Variants in EPHA6 observed in about 807,000 individuals in gnomAD.
The protein encoded by EPHA6 is ephrin type-A receptor 6.
Under a neutral mutation model 112.0 loss-of-function variants are expected in EPHA6, and 50 were observed. That is an observed-to-expected ratio of 0.45 (90% CI 0.36 to 0.56). EPHA6 has a LOEUF of 0.56. Among genes scored for constraint, EPHA6 ranks in the 20% least tolerant of loss-of-function variants. The probability of loss-of-function intolerance (pLI) is 0.00; values close to 1 mark genes in which losing one functional copy is unlikely to be tolerated. For missense variants in EPHA6, 1,280 were observed against 1,417.4 expected, an observed-to-expected ratio of 0.90 and a Z score of 1.56; for synonymous variants, 529 against 490.7, an observed-to-expected ratio of 1.08 and a Z score of -1.03.
chr3:97,592,694 T>A lies in EPHA6; in HGVS notation c.2469T>A (p.His823Gln). 1 of 1,610,654 alleles carries A rather than the reference T, an allele frequency of 6.2e-7. No homozygotes were observed. The highest frequency in any genetic ancestry group is 1.1e-5 in the South Asian group (1 of 90,150). Reference sequence around the variant, plus strand: ...TTTTAAATAGCATCCAGGCCCCGCATCCAGTGCCAGGGGGAGGATCTTTGC... The same window carrying A: ...TTTTAAATAGCATCCAGGCCCCGCAACCAGTGCCAGGGGGAGGATCTTTGC... Reference protein sequence around the residue: ...AGFLNSIQAPHPVPGGGSLPP... With the variant: ...AGFLNSIQAPQPVPGGGSLPP... The change falls in exon 12 of 18, where the codon CAT becomes CAA. Residue 823 changes from histidine (H) to glutamine (Q), a missense_variant. Transcript: ENST00000389672.
chr3:97,492,676 A>G (rs1453502444), intron 10 of EPHA6, among the ~76,000 whole-genome samples: 1 of 150,146 alleles, frequency 6.7e-6, no homozygotes, highest in Non-Finnish European at 1.5e-5. Context: ...GAAAGAAAGG[A>G]CAAGATAGAT....
intron 5 of EPHA6, among the ~76,000 whole-genome samples, chr3:97,254,388 C>T (rs2079240507): frequency 6.6e-6 from 1 of 152,136 alleles, no homozygotes. Context: ...CGGGGTTTCA[C>T]CATGTTAGCC....
intron 1 of EPHA6, among the ~76,000 whole-genome samples, chr3:96,847,973 C>T (rs1240616343): frequency 6.6e-6 from 1 of 152,038 alleles, no homozygotes; most frequent in Non-Finnish European, 1.5e-5. Context: ...TTTTGTTGGA[C>T]ATAGCAAGTA....
chr3:97,115,635 GGGAGAGAAT>G (rs1167484888), intron 3 of EPHA6, among the ~76,000 whole-genome samples: 2 of 151,754 alleles, frequency 1.3e-5, no homozygotes, highest in African/African-American at 2.4e-5. Flanking sequence ...GAGCAAGAGA[GGGAGAGAAT>G]GGAGAGAATG....
chr3:97,333,597 C>T (rs951339987), intron 5 of EPHA6, among the ~76,000 whole-genome samples: 4 of 151,156 alleles, frequency 2.6e-5, no homozygotes, highest in Admixed American at 6.6e-5. Context: ...CCTCAGCCTC[C>T]GAGTAGCTGG....
At chr3:96,963,093 C>G (rs1045091065) in intron 2 of EPHA6, among the ~76,000 whole-genome samples, 2 of 142,840 alleles carry the variant, frequency 1.4e-5, no homozygotes, top group Non-Finnish European at 3.0e-5. Flanking sequence ...GCTCAGGATG[C>G]GGAGGTTGCA....
At chr3:97,694,737 T>G (rs1033852031) in intron 14 of EPHA6, among the ~76,000 whole-genome samples, 1 of 152,248 alleles carries the variant, frequency 6.6e-6, no homozygotes, top group Non-Finnish European at 1.5e-5. Context: ...CATTGTATAG[T>G]GTCAGAGTTG....
intron 3 of EPHA6, among the ~76,000 whole-genome samples, chr3:97,127,836 T>G (rs1042949916): frequency 3.9e-5 from 6 of 152,142 alleles, no homozygotes; most frequent in African/African-American, 1.2e-4. Flanking sequence ...TCTATGGTGA[T>G]CTGGATGAAA....
intron 5 of EPHA6, among the ~76,000 whole-genome samples, chr3:97,376,744 C>G (rs925590911): frequency 3.3e-5 from 5 of 152,096 alleles, no homozygotes; most frequent in African/African-American, 1.2e-4. Flanking sequence ...TTATACTCAA[C>G]AGAAAATTAG....
At chr3:97,256,575 C>T (rs367807686) in intron 5 of EPHA6, among the ~76,000 whole-genome samples, 2 of 151,928 alleles carry the variant, frequency 1.3e-5, no homozygotes, top group African/African-American at 4.8e-5. Context: ...GATGGTATTT[C>T]TATACTGTAT....
intron 3 of EPHA6, among the ~76,000 whole-genome samples, chr3:97,054,688 A>C (rs1422954310): frequency 1.3e-5 from 2 of 152,130 alleles, no homozygotes; most frequent in African/African-American, 4.8e-5. Flanking sequence ...TAAGAAAGAA[A>C]TATTTCTTAT....
chr3:97,035,043 T>C (rs545505992), intron 3 of EPHA6, among the ~76,000 whole-genome samples: 24 of 152,128 alleles, frequency 1.6e-4, no homozygotes, highest in Middle Eastern at 3.4e-3. Context: ...CTATTCCTTC[T>C]TTTTAACACC....
intron 2 of EPHA6, among the ~76,000 whole-genome samples, chr3:96,913,201 C>T (rs2039311579): frequency 8.2e-6 from 1 of 121,218 alleles, no homozygotes; most frequent in Admixed American, 1.1e-4. Flanking sequence ...CACACACACA[C>T]ACACACACAC....
chr3:97,748,735 C>A lies in EPHA6; in HGVS notation c.*34C>A. ...CAAGCACCTGTGTTTTGTGCCTCAG[C>A]ATTTCTAAAATGAACGATATCCTCT... On this transcript the variant is annotated 3_prime_UTR_variant, in exon 18 of 18. Coordinates refer to ENST00000389672, the MANE Select transcript of EPHA6 (RefSeq NM_001080448.3). The A allele has an allele frequency of 8.6e-7, 1 of 1,156,558 alleles. No individual in the cohort carries two copies. The highest frequency in any genetic ancestry group is 1.3e-6 in the Non-Finnish European group (1 of 768,558). 71.6% of individuals were successfully genotyped at this position (1,156,558 alleles called of 1,614,324 possible).
intron 3 of EPHA6, among the ~76,000 whole-genome samples, chr3:97,058,635 T>C (rs2045926535): frequency 6.6e-6 from 1 of 152,182 alleles, no homozygotes; most frequent in African/African-American, 2.4e-5. Flanking sequence ...GTTCTTTTAT[T>C]GTTACTTTCA....
intron 3 of EPHA6, among the ~76,000 whole-genome samples, chr3:97,217,990 G>T (rs1333670161): frequency 1.3e-5 from 2 of 152,044 alleles, no homozygotes; most frequent in Admixed American, 6.6e-5. Flanking sequence ...AAATATAAAG[G>T]CTGGGTGCAG....
intron 10 of EPHA6, among the ~76,000 whole-genome samples, chr3:97,496,779 A>T (rs1448226120): frequency 2.6e-5 from 4 of 152,028 alleles, no homozygotes. Context: ...GCTGAAAGTG[A>T]ATTACCATTA....
intron 6 of EPHA6, among the ~76,000 whole-genome samples, chr3:97,414,287 G>A (rs960693442): frequency 5.9e-5 from 9 of 151,948 alleles, no homozygotes; most frequent in Admixed American, 5.3e-4. Context: ...AAACACTGAG[G>A]CATTCCCCTG....
chr3:97,252,620 A>G (rs1367316910), intron 5 of EPHA6, among the ~76,000 whole-genome samples: 1 of 152,066 alleles, frequency 6.6e-6, no homozygotes, highest in Non-Finnish European at 1.5e-5. Context: ...CAGGGCAGGG[A>G]TAGGGATTGG....
Sources: allele counts gnomAD v4.1 joint callset (sites outside exome capture counted in the v4.1 genomes callset), GRCh38; gene constraint gnomAD v4.1.1; transcripts MANE v1.5; gene names NCBI Gene and HGNC (gene_info 2026-07-23, HGNC 2026-07-21).